AR: variants seen among roughly 807,000 people sequenced by gnomAD.
AR encodes dihydrotestosterone receptor.
In AR, 8 loss-of-function variants were observed where a neutral mutation model predicts 53.9. That is an observed-to-expected ratio of 0.15 (90% confidence interval 0.09 to 0.27). The LOEUF (loss-of-function observed/expected upper bound fraction) is 0.27, where lower values mean the gene tolerates loss of function less well. Ranked by LOEUF, AR falls within the 10% of genes least tolerant of loss-of-function variation. The probability of loss-of-function intolerance (pLI) is 1.00; values close to 1 mark genes in which losing one functional copy is unlikely to be tolerated. For missense variants in AR, 639 were observed against 742.5 expected, an observed-to-expected ratio of 0.86 and a Z score of 1.62; for synonymous variants, 359 against 316.4, an observed-to-expected ratio of 1.13 and a Z score of -1.43.
chrX:67,707,540 C>G (rs764490988), intron 3 of AR, among the ~76,000 whole-genome samples: 2 of 111,758 alleles, frequency 1.8e-5, no homozygotes, highest in South Asian at 7.5e-4. Context: ...TGTCTCTGCA[C>G]ATGAGATGGG....
Position 67,711,509 on chromosome X carries a change from A to C in AR, c.1993A>C (p.Ile665Leu). 1.7e-6 allele frequency: 2 copies of C among 1,211,339 alleles called. No homozygotes were observed. Among genetic ancestry groups the C allele is most frequent in the East Asian group, 5.9e-5 (2 of 33,801 alleles). The change falls in exon 4 of 8, where the codon ATT becomes CTT. Residue 665 changes from isoleucine to leucine, a missense_variant. Coordinates refer to ENST00000374690, the MANE Select transcript of AR (RefSeq NM_000044.6). Reference protein sequence around the residue: ...ETTQKLTVSHIEGYECQPIFL... With the variant: ...ETTQKLTVSHLEGYECQPIFL... The stretch of plus-strand genomic sequence containing the variant: ...AACCCAGAAGCTGACAGTGTCACAC[A>C]TTGAAGGCTATGAATGTCAGCCCAT...
chrX:67,665,036 A>G (rs1752352733), intron 2 of AR, among the ~76,000 whole-genome samples: 1 of 112,885 alleles, frequency 8.9e-6, no homozygotes, highest in Admixed American at 9.3e-5. Flanking sequence ...TGACTAGGAA[A>G]GGGAATTCTC....
intron 1 of AR, among the ~76,000 whole-genome samples, chrX:67,579,535 CTTGAG>C (rs1262752362): frequency 9.0e-6 from 1 of 111,677 alleles, no homozygotes; most frequent in Non-Finnish European, 1.9e-5. Flanking sequence ...AGATGATTGT[CTTGAG>C]TTATTTTCTT....
chrX:67,600,018 A>G (rs1426139494), intron 1 of AR, among the ~76,000 whole-genome samples: 2 of 111,518 alleles, frequency 1.8e-5, no homozygotes, highest in Admixed American at 9.6e-5. Context: ...TCAAATGAGT[A>G]TGTTAATATC....
chrX:67,706,002 G>C (rs1206813249), intron 3 of AR, among the ~76,000 whole-genome samples: 1 of 111,886 alleles, frequency 8.9e-6, no homozygotes, highest in African/African-American at 3.2e-5. Flanking sequence ...AAGCCCACTT[G>C]ATCATGGTGG....
At chrX:67,601,490 G>T (rs1423037475) in intron 1 of AR, among the ~76,000 whole-genome samples, 2 of 111,675 alleles carry the variant, frequency 1.8e-5, no homozygotes, top group East Asian at 2.8e-4. Context: ...GTCTTCTGAT[G>T]CTTGAAATCC....
intron 3 of AR, among the ~76,000 whole-genome samples, chrX:67,707,477 T>G (rs2076073734): frequency 9.0e-6 from 1 of 111,487 alleles, no homozygotes; most frequent in African/African-American, 3.3e-5. Context: ...CCTCTTTTGG[T>G]TTTCCATTTG....
intron 1 of AR, among the ~76,000 whole-genome samples, chrX:67,598,525 C>T (rs898297322): frequency 2.7e-5 from 3 of 110,906 alleles, no homozygotes; most frequent in East Asian, 2.9e-4. Context: ...ATGATCTGCC[C>T]GCCTTGGCCT....
At chrX:67,641,569 A>T (rs1925766674) in intron 1 of AR, among the ~76,000 whole-genome samples, 1 of 111,939 alleles carries the variant, frequency 8.9e-6, no homozygotes, top group African/African-American at 3.2e-5. Flanking sequence ...AGCTCCTTCC[A>T]TGTGGAACTT....
At chrX:67,562,844 C>G (rs1921392934) in intron 1 of AR, among the ~76,000 whole-genome samples, 1 of 111,660 alleles carries the variant, frequency 9.0e-6, no homozygotes, top group Admixed American at 9.5e-5. Context: ...TCTTCATTAT[C>G]TGTAGAGCAC....
intron 1 of AR, among the ~76,000 whole-genome samples, chrX:67,636,207 G>T (rs1282391373): frequency 1.8e-5 from 2 of 110,709 alleles, no homozygotes; most frequent in East Asian, 5.7e-4. Context: ...CATAATAGGA[G>T]CTTAGTCAAT....
intron 1 of AR, among the ~76,000 whole-genome samples, chrX:67,608,379 T>C (rs1192552765): frequency 8.9e-6 from 1 of 112,130 alleles, no homozygotes; most frequent in Non-Finnish European, 1.9e-5. Context: ...TCTATTCTCC[T>C]TTGTTTTAAC....
intron 2 of AR, among the ~76,000 whole-genome samples, chrX:67,668,111 GT>G (rs1927358798): frequency 8.9e-6 from 1 of 111,938 alleles, no homozygotes; most frequent in Non-Finnish European, 1.9e-5. Flanking sequence ...TTGAATAACA[GT>G]GGGGAAAGTT....
Position 67,673,747 on chromosome X carries a change from G to A in AR, c.1769-12263G>A, listed in dbSNP as rs371783118. Among the ~76,000 whole-genome samples the A allele has an allele frequency of 2.6e-4, 29 of 110,597 alleles. No individual in the cohort carries two copies. The South Asian group carries it at 0.011, about 41-fold the overall frequency. On this transcript the variant is annotated intron_variant, in intron 2 of 7. Transcript: ENST00000374690. ...TCAACACAACTATTTTGAATTATCT[G>A]TCTGAAAGGTCACATATCTCTATTT...
intron 2 of AR, among the ~76,000 whole-genome samples, chrX:67,676,736 G>T (rs959210414): frequency 7.2e-5 from 8 of 111,798 alleles, no homozygotes; most frequent in Non-Finnish European, 1.5e-4. Context: ...TACGCAACTT[G>T]AGGAAGAGAG....
At chrX:67,685,237 G>T (rs2075959328) in intron 2 of AR, among the ~76,000 whole-genome samples, 3 of 111,887 alleles carry the variant, frequency 2.7e-5, no homozygotes, top group Admixed American at 9.6e-5. Context: ...CCAGGATTGT[G>T]CTAGCGTAAA....
chrX:67,694,522 C>T, intron 3 of AR: 2 of 928,341 alleles, frequency 2.2e-6, no homozygotes, highest in Non-Finnish European at 2.8e-6. Flanking sequence ...AAGAAAAACC[C>T]CCAGTAAAAA....
intron 1 of AR, among the ~76,000 whole-genome samples, chrX:67,608,168 G>A (rs1923716917): frequency 8.9e-6 from 1 of 112,033 alleles, no homozygotes; most frequent in Non-Finnish European, 1.9e-5. Context: ...GACCAGACCA[G>A]AGTTTACTAT....
intron 1 of AR, among the ~76,000 whole-genome samples, chrX:67,564,769 A>C (rs1319283764): frequency 1.8e-5 from 2 of 111,633 alleles, no homozygotes; most frequent in Admixed American, 1.9e-4. Flanking sequence ...AGTTGCTAGA[A>C]AGTGAAATAA....
Sources: allele counts gnomAD v4.1 joint callset (sites outside exome capture counted in the v4.1 genomes callset), GRCh38; gene constraint gnomAD v4.1.1; transcripts MANE v1.5; gene names NCBI Gene and HGNC (gene_info 2026-07-23, HGNC 2026-07-21).